FLT4: variants seen among roughly 807,000 people sequenced by gnomAD.
The protein encoded by FLT4 is vascular endothelial growth factor receptor 3.
Under a neutral mutation model 163.2 loss-of-function variants are expected in FLT4, and 30 were observed. That is an observed-to-expected ratio of 0.18 (90% CI 0.14 to 0.25). The LOEUF is 0.25. FLT4 is among the 10% of genes least tolerant of loss of function. The pLI, the probability that FLT4 is intolerant of heterozygous loss-of-function variation, is 1.00. For synonymous variants in FLT4, 884 were observed against 789.5 expected (o/e 1.12, Z -2.01); for missense variants, 1,510 against 1,863.8 (o/e 0.81, Z 3.50).
intron 29 of FLT4, chr5:180,608,348 G>A (rs1016163389): frequency 8.6e-6 from 6 of 700,616 alleles, no homozygotes; most frequent in East Asian, 8.0e-5. Context: ...TCACTTGAAC[G>A]ACTCACCCTC....
At chr5:180,638,996 A>C (rs1581703954) in intron 1 of FLT4, among the ~76,000 whole-genome samples, 2 of 113,640 alleles carry the variant, frequency 1.8e-5, no homozygotes, top group East Asian at 6.1e-4. Flanking sequence ...AAAAAAATGG[A>C]GGGATGGAAG....
intron 21 of FLT4, 31 bp from the exon 22 acceptor site, chr5:180,617,025 G>A (rs2127803654): frequency 6.4e-7 from 1 of 1,554,802 alleles, no homozygotes. Context: ...GGCTCAGGAG[G>A]CGCCTCCTCC....
At position 180,621,474 on chromosome 5, in the gene FLT4, G is replaced by A. The variant is rs569240964; in HGVS notation, c.2020+68C>T. 1,486 of 1,583,172 alleles carry A rather than the reference G, an allele frequency of 9.4e-4. 6 individuals carry two copies. Among genetic ancestry groups the A allele is most frequent in the South Asian group, 6.5e-3 (568 of 87,924 alleles). ...AGACCTCCCAGGGGCGAGCCACGCC[G>A]GGGCAAAGGCAGAGGCAGCTACTGC... On this transcript the variant is annotated intron_variant, in intron 13 of 29. Coordinates refer to ENST00000261937, the MANE Select transcript of FLT4 (RefSeq NM_182925.5).
At chr5:180,642,973 G>C (rs982387639) in intron 1 of FLT4, among the ~76,000 whole-genome samples, 48 of 152,200 alleles carry the variant, frequency 3.2e-4, no homozygotes, top group African/African-American at 1.1e-3. Context: ...CCTCCGTATT[G>C]CCACTGTACA....
intron 8 of FLT4, among the ~76,000 whole-genome samples, chr5:180,627,444 T>C (rs1763716078): frequency 1.3e-5 from 2 of 152,186 alleles, no homozygotes; most frequent in African/African-American, 2.4e-5. Context: ...TCAATGGAGA[T>C]GACATGCACC....
At position 180,603,202 on chromosome 5, in the gene FLT4, T is replaced by C. The variant is rs776692603; in HGVS notation, c.4082A>G (p.Asn1361Ser). 1.2e-6 allele frequency: 2 copies of C among 1,613,814 alleles called. No individual in the cohort carries two copies. Among genetic ancestry groups the C allele is most frequent in the Admixed American group, 3.3e-5 (2 of 60,016 alleles). The change falls in exon 30 of 30, where the codon AAC becomes AGC. Residue 1361 changes from asparagine (N) to serine (S), a missense_variant. Around this residue, in one of 5 missense-constraint regions of FLT4, gnomAD observed 295 missense variants for 311.0 expected, o/e 0.95. Coordinates refer to ENST00000261937, the MANE Select transcript of FLT4 (RefSeq NM_182925.5). ...CTTGTCCGATGCTGCTTAGTAGCTG[T>C]TGTCTGTGAAGAAAGTCACGCGGGC... is the stretch of plus-strand genomic sequence containing the variant. ...PSARVTFFTD[N>S]SY
At chr5:180,643,316 T>C (rs73812641) in intron 1 of FLT4, among the ~76,000 whole-genome samples, 6,011 of 152,292 alleles carry the variant, frequency 0.039, 168 homozygotes, top group South Asian at 0.12. Context: ...AGGAGGGCAC[T>C]GTGGGTGGGG....
intron 2 of FLT4, among the ~76,000 whole-genome samples, chr5:180,631,454 C>T (rs1287795678): frequency 5.3e-5 from 8 of 151,522 alleles, no homozygotes; most frequent in African/African-American, 1.9e-4. Flanking sequence ...GCCTGGGTGA[C>T]AGAGTGAGAC....
Position 180,636,658 on chromosome 5 carries a change from TC to T in FLT4, c.59-4881del, listed in dbSNP as rs371573126. 1.3e-3 allele frequency among the ~76,000 whole-genome samples: 195 copies of T among 150,610 alleles called. No individual in the cohort carries two copies. The highest frequency in any genetic ancestry group is 4.1e-3 in the African/African-American group (169 of 40,870). ...CCCCCTGCACGGCCCTCACATCTTC[TC>T]CTCCTGAATCACTCAGTTCTGTGGG... is the stretch of plus-strand genomic sequence containing the variant. On this transcript the variant is annotated intron_variant, in intron 1 of 29. Transcript: ENST00000261937. This position sits in a 1 kb window ranked among gnomAD's most constrained non-coding sequence, Gnocchi z 4.3.
At chr5:180,649,235 G>A (rs1349625821) in intron 1 of FLT4, among the ~76,000 whole-genome samples, 8 of 151,822 alleles carry the variant, frequency 5.3e-5, no homozygotes, top group African/African-American at 1.9e-4. Context: ...TTCAGGGGCC[G>A]GGAGAGCTAC....
Position 180,628,867 on chromosome 5 carries a change from A to T in FLT4, c.1103+15T>A. On this transcript the variant is annotated intron_variant, in intron 8 of 29. Coordinates refer to ENST00000261937, the MANE Select transcript of FLT4 (RefSeq NM_182925.5). ...AAGGGTATCGGCGGGGTCGGTGGGG[A>T]GCCAGGGCTGTTACCACTGGAACTC... is the stretch of plus-strand genomic sequence containing the variant. The T allele has an allele frequency of 1.3e-6, 2 of 1,548,714 alleles. No individual in the cohort carries two copies.
At position 180,629,490 on chromosome 5, in the gene FLT4, G is replaced by C. The variant is rs1198666988; in HGVS notation, c.817-63C>G. 2.5e-6 allele frequency: 4 copies of C among 1,585,704 alleles called. No homozygotes were observed. In the African/African-American group the frequency reaches 5.4e-5, roughly 21 times the overall value. The stretch of plus-strand genomic sequence containing the variant: ...GCTCCTGCACAGCTACCCCACCGAA[G>C]GCACACCTCCCAGCCCAGCCAGCGG... On this transcript the variant is annotated intron_variant, in intron 6 of 29. Transcript: ENST00000261937.
intron 29 of FLT4, among the ~76,000 whole-genome samples, chr5:180,604,045 G>A (rs1466924657): frequency 6.6e-6 from 1 of 152,118 alleles, no homozygotes; most frequent in Non-Finnish European, 1.5e-5. Context: ...CTGGAGCCCT[G>A]TCAGGGTCTG....
rs1020565813 is a variant in FLT4 at position 180,620,294 on chromosome 5, G to A, written c.2421C>T (p.Asp807=). The part of the protein sequence containing the change: ...FCNMRRPAHA[D]IKTGYLSIIM... ...TGATGGACAGGTAGCCCGTCTTGAT[G>A]TCTGCGTGGGCCGGCTGCGGGGAGG... Residue 807 remains aspartate (D), a synonymous_variant, in exon 17 of 30, where the codon GAC becomes GAT. Coordinates refer to ENST00000261937, the MANE Select transcript of FLT4 (RefSeq NM_182925.5). The surrounding 1 kb of genome is among the most constrained non-coding windows in gnomAD (Gnocchi z 4.4). 3.1e-6 allele frequency: 5 copies of A among 1,611,744 alleles called. No homozygotes were observed. Among genetic ancestry groups the A allele is most frequent in the Middle Eastern group, 1.6e-4 (1 of 6,084 alleles).
intron 24 of FLT4, chr5:180,613,763 T>C: frequency 2.2e-6 from 1 of 457,858 alleles, no homozygotes; most frequent in Non-Finnish European, 4.1e-6. Context: ...GCTCTTGGAG[T>C]AGGCACGTCT....
chr5:180,612,035 C>T (rs1032899665), intron 26 of FLT4, among the ~76,000 whole-genome samples: 8 of 152,222 alleles, frequency 5.3e-5, no homozygotes, highest in Non-Finnish European at 7.3e-5. Flanking sequence ...CTGCTTCTTG[C>T]TCCAGGCCCC....
At chr5:180,610,153 G>T in intron 27 of FLT4, 128 bp from the exon 28 acceptor site, 1 of 1,358,284 alleles carries the variant, frequency 7.4e-7, no homozygotes, top group Non-Finnish European at 1.0e-6. Flanking sequence ...GTATGGATGG[G>T]CCTGGGCCTG....
intron 29 of FLT4, among the ~76,000 whole-genome samples, chr5:180,605,800 A>C (rs1328387985): frequency 6.6e-6 from 1 of 152,176 alleles, no homozygotes; most frequent in African/African-American, 2.4e-5. Context: ...CCACAAGCCC[A>C]GTTTCCTGAT....
At chr5:180,613,613 T>G (rs987109288) in intron 24 of FLT4, 12 of 290,594 alleles carry the variant, frequency 4.1e-5, no homozygotes, top group Non-Finnish European at 7.4e-5. Context: ...ACACTCTTCC[T>G]GCTCCTTTAG....
Sources: allele counts gnomAD v4.1 joint callset (sites outside exome capture counted in the v4.1 genomes callset), GRCh38; gene constraint gnomAD v4.1.1; regional missense constraint gnomAD v4.1.1; non-coding constraint Gnocchi (gnomAD v3.1); transcripts MANE v1.5; gene names NCBI Gene and HGNC (gene_info 2026-07-23, HGNC 2026-07-21).